ADGRG7: variants seen among roughly 807,000 people sequenced by gnomAD.
The protein encoded by ADGRG7 is adhesion G protein-coupled receptor G7, also known as G-protein coupled receptor 128.
Under a neutral mutation model 88.6 loss-of-function variants are expected in ADGRG7, and 82 were observed. That is an observed-to-expected ratio of 0.93 (90% CI 0.77 to 1.11). The LOEUF (loss-of-function observed/expected upper bound fraction) is 1.11. Among genes scored for constraint, ADGRG7 ranks in the 50% most tolerant of loss-of-function variants. The probability of loss-of-function intolerance (pLI) is 0.00; values close to 1 mark genes in which losing one functional copy is unlikely to be tolerated. For missense variants in ADGRG7, 945 were observed against 953.4 expected, an observed-to-expected ratio of 0.99 and a Z score of 0.12; for synonymous variants, 381 against 345.2, an observed-to-expected ratio of 1.10 and a Z score of -1.15.
At chr3:100,642,038 G>A (rs947812272) in intron 6 of ADGRG7, among the ~76,000 whole-genome samples, 2 of 152,142 alleles carry the variant, frequency 1.3e-5, no homozygotes, top group African/African-American at 4.8e-5. Flanking sequence ...AGAAGTACAA[G>A]AAAGAAAAAA....
At chr3:100,673,489 T>C (rs1428123881) in intron 15 of ADGRG7, among the ~76,000 whole-genome samples, 2 of 149,150 alleles carry the variant, frequency 1.3e-5, no homozygotes, top group Non-Finnish European at 3.0e-5. Flanking sequence ...TTTGACAGAG[T>C]CTCGGTCTGT....
At chr3:100,646,436 A>T in intron 9 of ADGRG7, 133 bp from the exon 10 acceptor site, 1 of 717,442 alleles carries the variant, frequency 1.4e-6, no homozygotes, top group Non-Finnish European at 2.3e-6. Context: ...CCCTCTCCTT[A>T]ATCATAATGA....
chr3:100,659,668 A>ATTTTTTTTTTTTTTTT lies in ADGRG7; in HGVS notation c.1824-10_1824-9insTTTTTTTTTTTTTTTT. ...ATACCTTTCTTAGTCTGCTGAAGCA[A>ATTTTTTTTTTTTTTTT]TTTTTTTTTTCCTCCACAGCTGCTG... is the stretch of plus-strand genomic sequence containing the variant. On this transcript the variant is annotated intron_variant, in intron 13 of 15. Transcript: ENST00000273352. 6.6e-7 allele frequency: 1 copy of ATTTTTTTTTTTTTTTT among 1,514,434 alleles called. No homozygotes were observed. Among genetic ancestry groups the ATTTTTTTTTTTTTTTT allele is most frequent in the South Asian group, 1.2e-5 (1 of 82,914 alleles). The allele number at this position is 1,514,434 out of a possible 1,614,324, so 93.8% of individuals were successfully genotyped here. A position where few individuals can be genotyped will look rare whatever the true frequency, so the allele number is the denominator to read the frequency against.
chr3:100,657,950 T>G (rs1361849767), intron 13 of ADGRG7, among the ~76,000 whole-genome samples: 4 of 152,230 alleles, frequency 2.6e-5, no homozygotes, highest in Admixed American at 6.5e-5. Context: ...ATAATAATGG[T>G]GTTTTACAAA....
chr3:100,666,671 C>G (rs892574122), intron 14 of ADGRG7, among the ~76,000 whole-genome samples: 4 of 152,154 alleles, frequency 2.6e-5, no homozygotes, highest in African/African-American at 9.7e-5. Flanking sequence ...TACTAATCCT[C>G]CTCAGCACAG....
chr3:100,673,493 G>A (rs535733665), intron 15 of ADGRG7, among the ~76,000 whole-genome samples: 1 of 147,794 alleles, frequency 6.8e-6, no homozygotes, highest in African/African-American at 2.5e-5. Flanking sequence ...ACAGAGTCTC[G>A]GTCTGTCATG....
intron 10 of ADGRG7, among the ~76,000 whole-genome samples, chr3:100,648,265 A>G (rs906118869): frequency 2.0e-5 from 3 of 152,054 alleles, no homozygotes; most frequent in Admixed American, 2.0e-4. Flanking sequence ...CTACATTTGT[A>G]ATTAGTTTTG....
chr3:100,624,348 A>G (rs1047686233), intron 1 of ADGRG7, among the ~76,000 whole-genome samples: 1 of 152,174 alleles, frequency 6.6e-6, no homozygotes, highest in Admixed American at 6.5e-5. Context: ...TCTTTTGAGA[A>G]GTGTCTGTTC....
At position 100,609,949 on chromosome 3, in the gene ADGRG7, G is replaced by T; in HGVS notation, c.93G>T (p.Arg31Ser). The T allele has an allele frequency of 6.2e-7, 1 of 1,613,506 alleles. No individual in the cohort carries two copies. The highest frequency in any genetic ancestry group is 1.1e-5 in the South Asian group (1 of 91,036). ...TCATTTTGGGACTGGGCATCTGGAG[G>T]ATTGTGATCAGGATCCAAAGAGGTA... ...TGIILGLGIW[R>S]IVIRIQRGKS... The change falls in exon 1 of 16, where the codon AGG becomes AGT. Residue 31 changes from arginine (R) to serine (S), a missense_variant. By Grantham distance (110) the Arg-to-Ser change is moderately radical (BLOSUM62 -1). Coordinates refer to ENST00000273352, the MANE Select transcript of ADGRG7 (RefSeq NM_032787.3).
intron 5 of ADGRG7, 124 bp downstream of exon 5, chr3:100,635,950 T>C (rs569801502): frequency 1.4e-6 from 1 of 702,982 alleles, no homozygotes; most frequent in African/African-American, 1.8e-5. Flanking sequence ...TGGTTTAAGT[T>C]GCTTAAAGGC....
At chr3:100,659,262 C>T (rs1242391803) in intron 13 of ADGRG7, among the ~76,000 whole-genome samples, 1 of 150,996 alleles carries the variant, frequency 6.6e-6, no homozygotes, top group Non-Finnish European at 1.5e-5. Context: ...GAAACTCCGT[C>T]TCTACTAAAA....
intron 15 of ADGRG7, among the ~76,000 whole-genome samples, chr3:100,691,864 A>C (rs2094994549): frequency 6.6e-6 from 1 of 152,072 alleles, no homozygotes; most frequent in Non-Finnish European, 1.5e-5. Flanking sequence ...TACTCTTCTC[A>C]TCTCCTCAAC....
chr3:100,691,492 G>A (rs1265343075), intron 15 of ADGRG7, among the ~76,000 whole-genome samples: 3 of 151,818 alleles, frequency 2.0e-5, no homozygotes, highest in African/African-American at 4.8e-5. Flanking sequence ...GTTCCTATTC[G>A]GCCATCTTGG....
intron 15 of ADGRG7, among the ~76,000 whole-genome samples, chr3:100,689,968 G>A (rs1006701262): frequency 2.0e-5 from 3 of 152,160 alleles, no homozygotes; most frequent in African/African-American, 7.2e-5. Context: ...ACTGCAGAGT[G>A]TTTTCCAACT....
chr3:100,688,619 T>G (rs567390857), intron 15 of ADGRG7, among the ~76,000 whole-genome samples: 1 of 152,368 alleles, frequency 6.6e-6, no homozygotes, highest in South Asian at 2.1e-4. Flanking sequence ...TATTTCTGCC[T>G]TCATTTCATT....
rs748745962 is a variant in ADGRG7 at position 100,629,712 on chromosome 3, G to A, written c.229+1G>A. The A allele has an allele frequency of 6.3e-7, 1 of 1,581,626 alleles. No individual in the cohort carries two copies. The highest frequency in any genetic ancestry group is 8.7e-7 in the Non-Finnish European group (1 of 1,150,890). On this transcript the variant is annotated splice_donor_variant, in intron 2 of 15. Transcript: ENST00000273352. LOFTEE classifies it high-confidence loss of function. ...TGGAAAGGACTGAGATGTACAATTG[G>A]TAAATTACTTGGGATAATGCTAAAG...
chr3:100,644,308 AAG>A (rs1445169960), intron 8 of ADGRG7, among the ~76,000 whole-genome samples: 2 of 152,220 alleles, frequency 1.3e-5, no homozygotes, highest in Non-Finnish European at 2.9e-5. Context: ...ACTAAAAAAG[AAG>A]AGAGTATTAT....
chr3:100,649,733 C>T lies in ADGRG7; in HGVS notation c.1305C>T (p.Asp435=). ...KKDYQYPKSL[D]ILSNVGCALS... ...ATTATCAATATCCCAAATCACTTGACATATTATCCAACGTTGGATGTGCAC... is the reference window on the plus strand; with the variant it reads ...ATTATCAATATCCCAAATCACTTGATATATTATCCAACGTTGGATGTGCAC... The change falls in exon 11 of 16, where the codon GAC becomes GAT. Residue 435 remains aspartate (D), a synonymous_variant. Coordinates refer to ENST00000273352, the MANE Select transcript of ADGRG7 (RefSeq NM_032787.3). The T allele has an allele frequency of 6.2e-7, 1 of 1,608,654 alleles. No individual in the cohort carries two copies. Among genetic ancestry groups the T allele is most frequent in the East Asian group, 2.2e-5 (1 of 44,794 alleles).
intron 6 of ADGRG7, among the ~76,000 whole-genome samples, chr3:100,639,054 G>A (rs914405173): frequency 4.5e-5 from 4 of 88,684 alleles, no homozygotes; most frequent in South Asian, 7.2e-4. Flanking sequence ...GTGTGTGTGT[G>A]TGTATGTATA....
Sources: allele counts gnomAD v4.1 joint callset (sites outside exome capture counted in the v4.1 genomes callset), GRCh38; gene constraint gnomAD v4.1.1; transcripts MANE v1.5; gene names NCBI Gene and HGNC (gene_info 2026-07-23, HGNC 2026-07-21).